The following NF1 variants were observed in gnomAD, a reference collection of about 807,000 sequenced individuals.
NF1 encodes the protein neurofibromin 1.
In NF1, 122 loss-of-function variants were observed where a neutral mutation model predicts 325.7. The observed-to-expected ratio is 0.37, with a 90% CI of 0.32 to 0.44. The LOEUF (loss-of-function observed/expected upper bound fraction) is 0.44. NF1 is among the 20% of genes least tolerant of loss of function. The probability of loss-of-function intolerance (pLI) is 1.00; values close to 1 mark genes in which losing one functional copy is unlikely to be tolerated. For missense variants in NF1, 2,140 were observed against 3,415.4 expected, an observed-to-expected ratio of 0.63 and a Z score of 9.31; for synonymous variants, 1,091 against 1,186.0, an observed-to-expected ratio of 0.92 and a Z score of 1.65.
intron 36 of NF1, chr17:31,308,037 C>T: frequency 1.6e-6 from 1 of 609,894 alleles, no homozygotes; most frequent in Non-Finnish European, 2.6e-6. Flanking sequence ...AACAGTTCTC[C>T]TTTGAACTCT....
chr17:31,374,288 C>T lies in NF1; in HGVS notation c.*133C>T. On this transcript the variant is annotated 3_prime_UTR_variant, in exon 58 of 58. Coordinates refer to ENST00000358273, the MANE Select transcript of NF1 (RefSeq NM_001042492.3). The stretch of plus-strand genomic sequence containing the variant: ...TTTATAATGAACCCATCCGGTTTGC[C>T]ATGTTGCCAGATGATCAACTCTTCG... 1 of 1,206,594 alleles carries T rather than the reference C, an allele frequency of 8.3e-7. No homozygotes were observed. 74.7% of individuals were successfully genotyped at this position (1,206,594 alleles called of 1,614,324 possible). A position where few individuals can be genotyped will look rare whatever the true frequency, so the allele number is the denominator to read the frequency against.
intron 29 of NF1, 34 bp downstream of exon 29, chr17:31,236,055 TTG>T (rs1555615581): frequency 3.5e-6 from 4 of 1,152,952 alleles, no homozygotes; most frequent in Non-Finnish European, 4.7e-6. Context: ...CCGCTGTTTT[TTG>T]TTTTTTTTTT....
chr17:31,302,669 A>G (rs563447555), intron 36 of NF1, among the ~76,000 whole-genome samples: 1 of 151,704 alleles, frequency 6.6e-6, no homozygotes, highest in South Asian at 2.1e-4. Flanking sequence ...GTGAAACCCC[A>G]TCTCTACTAA....
intron 57 of NF1, among the ~76,000 whole-genome samples, chr17:31,362,126 A>G (rs1199492694): frequency 1.3e-5 from 2 of 152,210 alleles, no homozygotes; most frequent in Non-Finnish European, 2.9e-5. Flanking sequence ...ACTCCCAAGT[A>G]GAGCCCAGCC....
Position 31,343,097 on chromosome 17 carries a change from C to T in NF1, c.7151C>T (p.Ser2384Phe). The T allele has an allele frequency of 6.2e-7, 1 of 1,613,946 alleles. No homozygotes were observed. The highest frequency in any genetic ancestry group is 8.5e-7 in the Non-Finnish European group (1 of 1,179,876). The change falls in exon 48 of 58, where the codon TCT (serine) becomes TTT (phenylalanine). Residue 2384 changes from serine (S) to phenylalanine (F), a missense_variant. Ser to Phe is a radical substitution (Grantham distance 155, BLOSUM62 -2). Coordinates refer to ENST00000358273, the MANE Select transcript of NF1 (RefSeq NM_001042492.3). ...CATTTTGTTGGACTCAATTTCAACT[C>T]TAACTTTAACTTTGCATTGGTTGGA... ...MDHFVGLNFNSNFNFALVGHL... is the reference protein window; with the variant it reads ...MDHFVGLNFNFNFNFALVGHL...
At chr17:31,267,338 T>C (rs2067810159) in intron 36 of NF1, among the ~76,000 whole-genome samples, 2 of 152,252 alleles carry the variant, frequency 1.3e-5, no homozygotes, top group South Asian at 4.1e-4. Flanking sequence ...ATAAAGTGTT[T>C]TGTGACCTAT....
At chr17:31,211,889 A>G (rs2066734480) in intron 12 of NF1, among the ~76,000 whole-genome samples, 1 of 152,174 alleles carries the variant, frequency 6.6e-6, no homozygotes, top group African/African-American at 2.4e-5. Flanking sequence ...AATTTATTTT[A>G]CTTTTAATAC....
chr17:31,320,576 G>A (rs756051911), intron 36 of NF1: 13 of 642,910 alleles, frequency 2.0e-5, no homozygotes, highest in Non-Finnish European at 3.2e-5. Context: ...AACAAAAGTA[G>A]CATGTAATAA....
chr17:31,149,992 C>G (rs1916818285), intron 1 of NF1, among the ~76,000 whole-genome samples: 1 of 152,114 alleles, frequency 6.6e-6, no homozygotes, highest in African/African-American at 2.4e-5. Flanking sequence ...TTCTGGGTGC[C>G]TCTGTATCTG....
chr17:31,225,304 T>G, intron 17 of NF1, 54 bp downstream of exon 17: 1 of 1,595,674 alleles, frequency 6.3e-7, no homozygotes, highest in Non-Finnish European at 8.6e-7. Context: ...GTTTGTTTTC[T>G]GAATGAAATT....
chr17:31,222,086 C>T (rs1303074978), intron 15 of NF1, 157 bp downstream of exon 15: 1 of 1,293,896 alleles, frequency 7.7e-7, no homozygotes, highest in Non-Finnish European at 9.8e-7. Flanking sequence ...ATTAGAATTT[C>T]TTGTTTTAAC....
chr17:31,214,502 A>G lies in NF1; in HGVS notation c.1444A>G (p.Thr482Ala), dbSNP rs770201871. The G allele has an allele frequency of 5.6e-6, 9 of 1,609,438 alleles. No individual in the cohort carries two copies. The highest frequency in any genetic ancestry group is 2.2e-5 in the South Asian group (2 of 90,872). ...AAGCCTTAAATTTAAAGAAAAACCT[A>G]CAGACCTGGAGACAAGAAGCTATAA... ...VTSLKFKEKP[T>A]DLETRSYKYL... is the part of the protein sequence containing the mutation. The change falls in exon 13 of 58, where the codon ACA becomes GCA. Residue 482 changes from threonine (T) to alanine (A), a missense_variant. By Grantham distance (58) the Thr-to-Ala change is moderately conservative (BLOSUM62 0). Transcript: ENST00000358273.
rs1555604894 is a variant in NF1 at position 31,156,039 on chromosome 17, C to T, written c.117C>T (p.Asn39=). The part of the protein sequence containing the change: ...NTHTKVSTEH[N]KECLINISKY... ...ATACCAAAGTCAGTACTGAGCACAA[C>T]AAGGAATGTCTAATCAATATTTCCA... Residue 39 remains asparagine (N), a synonymous_variant, in exon 2 of 58, where the codon AAC becomes AAT. Coordinates refer to ENST00000358273, the MANE Select transcript of NF1 (RefSeq NM_001042492.3). 6.2e-7 allele frequency: 1 copy of T among 1,612,650 alleles called. No homozygotes were observed. Among genetic ancestry groups the T allele is most frequent in the South Asian group, 1.1e-5 (1 of 91,046 alleles).
intron 36 of NF1, among the ~76,000 whole-genome samples, chr17:31,285,277 T>TAAAA (rs36047376): frequency 1.7e-4 from 20 of 120,868 alleles, no homozygotes; most frequent in African/African-American, 5.9e-4. Flanking sequence ...AGATTCTGTT[T>TAAAA]AAAAAAAAAA....
intron 8 of NF1, among the ~76,000 whole-genome samples, chr17:31,188,895 T>C (rs1303527579): frequency 1.3e-5 from 2 of 152,194 alleles, no homozygotes; most frequent in Non-Finnish European, 2.9e-5. Flanking sequence ...CTCTCCTTGC[T>C]CCTCACCCTG....
chr17:31,269,691 AAGC>A (rs1256981659), intron 36 of NF1, among the ~76,000 whole-genome samples: 3 of 152,140 alleles, frequency 2.0e-5, no homozygotes, highest in African/African-American at 7.2e-5. Context: ...TTTTATTCCC[AAGC>A]AGCTGCTCCC....
chr17:31,300,671 G>T (rs1250878704), intron 36 of NF1, among the ~76,000 whole-genome samples: 1 of 152,082 alleles, frequency 6.6e-6, no homozygotes, highest in Non-Finnish European at 1.5e-5. Flanking sequence ...ATTCCTAGAA[G>T]TAGGATTGCT....
intron 35 of NF1, among the ~76,000 whole-genome samples, chr17:31,263,471 T>C (rs2067730205): frequency 6.7e-6 from 1 of 149,888 alleles, no homozygotes; most frequent in Non-Finnish European, 1.5e-5. Context: ...AAAAGAAATA[T>C]AAGTAAATAT....
chr17:31,097,451 CT>C (rs1911840218), intron 1 of NF1, among the ~76,000 whole-genome samples: 1 of 102,902 alleles, frequency 9.7e-6, no homozygotes. Context: ...GAGCGAGACT[CT>C]TGTCTCCAAA....
Sources: gnomAD v4.1 joint callset for allele counts (sites outside exome capture counted in the v4.1 genomes callset) on GRCh38, gnomAD v4.1.1 for gene constraint, MANE v1.5 for transcripts, NCBI Gene and HGNC (gene_info 2026-07-23, HGNC 2026-07-21) for gene names.